The following PPARGC1A variants were observed in gnomAD, a reference collection of about 807,000 sequenced individuals.
PPARGC1A encodes the protein PPARG coactivator 1 alpha.
In PPARGC1A, 25 loss-of-function variants were observed where a neutral mutation model predicts 88.7. That is an observed-to-expected ratio of 0.28 (90% CI 0.21 to 0.39). PPARGC1A has a LOEUF of 0.39. Ranked by LOEUF, PPARGC1A falls within the 10% of genes least tolerant of loss-of-function variation. The pLI, the probability that PPARGC1A is intolerant of heterozygous loss-of-function variation, is 1.00. For missense variants in PPARGC1A, 880 were observed against 968.7 expected, an observed-to-expected ratio of 0.91 and a Z score of 1.22; for synonymous variants, 363 against 355.6, an observed-to-expected ratio of 1.02 and a Z score of -0.24.
At chr4:24,398,392 T>C in the PPARGC1A span, among the ~76,000 whole-genome samples, 1 of 152,218 alleles carries the variant, frequency 6.6e-6, no homozygotes. Context: ...AAACAGAATG[T>C]TTTACTTTCA....
chr4:23,807,159 G>A (rs1288860696), intron 10 of PPARGC1A, among the ~76,000 whole-genome samples: 3 of 152,124 alleles, frequency 2.0e-5, no homozygotes, highest in Non-Finnish European at 1.5e-5. Context: ...TAAATTGAGT[G>A]TATGGTGTAT....
the PPARGC1A span, among the ~76,000 whole-genome samples, chr4:24,188,158 A>AGGCCGAGGT: frequency 6.6e-6 from 1 of 151,688 alleles, no homozygotes; most frequent in African/African-American, 2.4e-5. Context: ...ACTGAGGAAG[A>AGGCCGAGGT]GCAACACAGC....
chr4:24,050,009 A>G, the PPARGC1A span, among the ~76,000 whole-genome samples: 1 of 152,196 alleles, frequency 6.6e-6, no homozygotes, highest in Non-Finnish European at 1.5e-5. Context: ...AGTGTAAAGA[A>G]TTACATATTT....
At chr4:24,145,078 AGT>A in the PPARGC1A span, among the ~76,000 whole-genome samples, 15,689 of 143,758 alleles carry the variant, frequency 0.11, 1,025 homozygotes, top group African/African-American at 0.2. Context: ...GTGTTGAATG[AGT>A]GTGTGTGTGT....
the PPARGC1A span, among the ~76,000 whole-genome samples, chr4:24,032,126 A>G: frequency 1.3e-5 from 2 of 152,244 alleles, no homozygotes; most frequent in Non-Finnish European, 2.9e-5. Context: ...ATGATGAATA[A>G]CAATAATAAT....
chr4:24,119,328 T>C, the PPARGC1A span, among the ~76,000 whole-genome samples: 1 of 152,118 alleles, frequency 6.6e-6, no homozygotes, highest in Non-Finnish European at 1.5e-5. Context: ...CAGAAGCACA[T>C]TCGGAATGTC....
chr4:24,354,671 G>A, the PPARGC1A span, among the ~76,000 whole-genome samples: 49 of 152,042 alleles, frequency 3.2e-4, no homozygotes, highest in Non-Finnish European at 2.8e-4. Flanking sequence ...TGGATCATGA[G>A]GTCAGGAGAT....
At chr4:24,090,133 A>G in the PPARGC1A span, among the ~76,000 whole-genome samples, 7 of 152,204 alleles carry the variant, frequency 4.6e-5, no homozygotes, top group African/African-American at 1.7e-4. Context: ...GACTATATAA[A>G]ATGACAACTT....
the PPARGC1A span, among the ~76,000 whole-genome samples, chr4:23,911,516 A>C: frequency 1.3e-5 from 2 of 152,184 alleles, no homozygotes; most frequent in African/African-American, 4.8e-5. Context: ...TCGACTTCTG[A>C]GAATTAACTG....
At chr4:24,450,998 C>A in the PPARGC1A span, among the ~76,000 whole-genome samples, 1 of 152,016 alleles carries the variant, frequency 6.6e-6, no homozygotes, top group African/African-American at 2.4e-5. Context: ...TGCTCAAAGA[C>A]AAGAAACTAC....
chr4:24,250,167 G>A, the PPARGC1A span, among the ~76,000 whole-genome samples: 2 of 152,230 alleles, frequency 1.3e-5, no homozygotes, highest in East Asian at 1.9e-4. Context: ...TGTAGAGCCT[G>A]CAGGGCAGGC....
the PPARGC1A span, among the ~76,000 whole-genome samples, chr4:23,994,081 G>A: frequency 6.6e-6 from 1 of 152,162 alleles, no homozygotes; most frequent in Admixed American, 6.6e-5. Flanking sequence ...GCTCAGATAT[G>A]CAGGCTATGA....
intron 2 of PPARGC1A, among the ~76,000 whole-genome samples, chr4:23,874,550 T>C (rs1056460060): frequency 1.3e-5 from 2 of 150,478 alleles, no homozygotes; most frequent in African/African-American, 5.0e-5. Flanking sequence ...AGATCACTTT[T>C]TTCCCCCTAA....
chr4:24,213,343 T>C, the PPARGC1A span, among the ~76,000 whole-genome samples: 1 of 151,984 alleles, frequency 6.6e-6, no homozygotes, highest in African/African-American at 2.4e-5. Context: ...ATTTTTTGTA[T>C]TTTTAGTAGA....
chr4:23,886,344 G>C (rs1255798970), intron 1 of PPARGC1A, among the ~76,000 whole-genome samples: 1 of 152,068 alleles, frequency 6.6e-6, no homozygotes, highest in East Asian at 1.9e-4. Flanking sequence ...TTCCTAGCAG[G>C]CCACATTACA....
At chr4:23,984,285 A>T in the PPARGC1A span, among the ~76,000 whole-genome samples, 2 of 151,750 alleles carry the variant, frequency 1.3e-5, no homozygotes, top group African/African-American at 4.8e-5. Flanking sequence ...AGATCTTTTT[A>T]CTTCTCCTTC....
chr4:24,322,437 G>GACACTTT, the PPARGC1A span, among the ~76,000 whole-genome samples: 1 of 152,182 alleles, frequency 6.6e-6, no homozygotes, highest in Non-Finnish European at 1.5e-5. Context: ...TAACACCTCA[G>GACACTTT]ACACTTTATT....
the PPARGC1A span, among the ~76,000 whole-genome samples, chr4:24,060,498 T>C: frequency 6.6e-6 from 1 of 152,220 alleles, no homozygotes; most frequent in African/African-American, 2.4e-5. Flanking sequence ...TAATACTGGG[T>C]TGCACTATTT....
the PPARGC1A span, among the ~76,000 whole-genome samples, chr4:23,999,149 A>C: frequency 6.6e-6 from 1 of 152,128 alleles, no homozygotes; most frequent in Non-Finnish European, 1.5e-5. Context: ...GAGAATACCA[A>C]GGGCCTCTTC....
Sources: allele counts gnomAD v4.1 joint callset (sites outside exome capture counted in the v4.1 genomes callset), GRCh38; gene constraint gnomAD v4.1.1; transcripts MANE v1.5; gene names NCBI Gene and HGNC (gene_info 2026-07-23, HGNC 2026-07-21).